UTP14A: variants seen among roughly 807,000 people sequenced by gnomAD.
UTP14A encodes UTP14A small subunit processome component, also known as U3 small nucleolar RNA-associated protein 14 homolog A.
UTP14A carries 5 observed loss-of-function variants against 57.2 expected under a neutral mutation model. The observed-to-expected ratio is 0.09, with a 90% CI of 0.05 to 0.18. The LOEUF (loss-of-function observed/expected upper bound fraction) is 0.18, where lower values mean the gene tolerates loss of function less well. Among genes scored for constraint, UTP14A ranks in the 10% least tolerant of loss-of-function variants. UTP14A has a pLI of 1.00. For synonymous variants in UTP14A, 169 were observed against 210.9 expected (o/e 0.80, Z 1.72); for missense variants, 430 against 562.1 (o/e 0.76, Z 2.38).
At chrX:129,912,595 A>G (rs774056647) in intron 6 of UTP14A, among the ~76,000 whole-genome samples, 5 of 111,611 alleles carry the variant, frequency 4.5e-5, no homozygotes, top group Non-Finnish European at 9.4e-5. Flanking sequence ...CAGGAACTCG[A>G]TAACATTAAT....
chrX:129,917,342 G>A (rs1195553013), intron 6 of UTP14A, among the ~76,000 whole-genome samples: 1 of 111,995 alleles, frequency 8.9e-6, no homozygotes, highest in Non-Finnish European at 1.9e-5. Flanking sequence ...GTGATGATGT[G>A]CGTTTATGCA....
At chrX:129,906,344 G>A in intron 1 of UTP14A, 108 bp downstream of exon 1, 1 of 777,322 alleles carries the variant, frequency 1.3e-6, no homozygotes, top group Non-Finnish European at 1.9e-6. Flanking sequence ...TGGTTCCCCT[G>A]AAGAGCTGGC....
Position 129,916,453 on chromosome X carries a change from T to C in UTP14A, c.538-2722T>C, listed in dbSNP as rs1020065939. Among the ~76,000 whole-genome samples the C allele has an allele frequency of 2.7e-5, 3 of 111,354 alleles. No homozygotes were observed. In the South Asian group the frequency reaches 1.1e-3, roughly 41 times the overall value. ...TTAACAGCATAACTCCCTACCCCAG[T>C]CACTTAGGTTGGAAACCTCAGTCAT... On this transcript the variant is annotated intron_variant, in intron 6 of 14. Transcript: ENST00000394422.
In UTP14A at chrX:129,924,947, T is replaced by C; in HGVS notation, c.1501T>C (p.Leu501=). 8.3e-7 allele frequency: 1 copy of C among 1,211,460 alleles called. No homozygotes were observed. Among genetic ancestry groups the C allele is most frequent in the Non-Finnish European group, 1.1e-6 (1 of 895,492 alleles). The change falls in exon 12 of 15, where the codon TTG becomes CTG. Residue 501 remains leucine (L), a synonymous_variant. Coordinates refer to ENST00000394422, the MANE Select transcript of UTP14A (RefSeq NM_006649.4). ...TGCCCCAGAAGAAGAGGAGCCCCTGTTGCTACAGAGACCAGAGAGAGTACA... is the reference window on the plus strand; with the variant it reads ...TGCCCCAGAAGAAGAGGAGCCCCTGCTGCTACAGAGACCAGAGAGAGTACA... ...EPAPEEEEPL[L]LQRPERVQTL...
At chrX:129,912,499 C>T (rs749826233) in intron 6 of UTP14A, among the ~76,000 whole-genome samples, 26 of 109,875 alleles carry the variant, frequency 2.4e-4, no homozygotes, top group Middle Eastern at 4.6e-3. Context: ...TGTGATTGCC[C>T]GTATAGCAGG....
chrX:129,925,180 C>T lies in UTP14A; in HGVS notation c.1734C>T (p.Pro578=). Residue 578 remains proline, a synonymous_variant, in exon 12 of 15, where the codon CCC becomes CCT. Coordinates refer to ENST00000394422, the MANE Select transcript of UTP14A (RefSeq NM_006649.4). Reference sequence around the variant, plus strand: ...CCTCCGTGAAGTCTTTGGCAGTTCCCACAATAGAGGAGCTGGTGAGCAGAG... The same window carrying T: ...CCTCCGTGAAGTCTTTGGCAGTTCCTACAATAGAGGAGCTGGTGAGCAGAG... ...QSPSVKSLAV[P]TIEELEDEEE... is the part of the protein sequence containing the mutation. 1 of 1,208,827 alleles carries T rather than the reference C, an allele frequency of 8.3e-7. No homozygotes were observed. Among genetic ancestry groups the T allele is most frequent in the East Asian group, 3.0e-5 (1 of 33,818 alleles).
intron 6 of UTP14A, among the ~76,000 whole-genome samples, chrX:129,915,005 A>C (rs1364224500): frequency 9.0e-6 from 1 of 111,160 alleles, no homozygotes; most frequent in Non-Finnish European, 1.9e-5. Context: ...TGAGGTTAGG[A>C]GTTTGAGACC....
chrX:129,920,954 G>T (rs1369101873), intron 10 of UTP14A: 2 of 752,612 alleles, frequency 2.7e-6, no homozygotes, highest in African/African-American at 4.6e-5. Flanking sequence ...CAAGTCCAAA[G>T]GGGGAGAGGA....
chrX:129,911,216 T>C, intron 5 of UTP14A, 66 bp downstream of exon 5: 1 of 1,119,260 alleles, frequency 8.9e-7, no homozygotes. Context: ...AATAGGGTAA[T>C]AGAAAGAAGG....
At chrX:129,907,643 G>C (rs1447276060) in intron 2 of UTP14A, among the ~76,000 whole-genome samples, 1 of 112,421 alleles carries the variant, frequency 8.9e-6, no homozygotes, top group Non-Finnish European at 1.9e-5. Flanking sequence ...CCCTCAAGTT[G>C]CATAAGTATA....
intron 1 of UTP14A, among the ~76,000 whole-genome samples, chrX:129,906,586 G>C (rs1165760047): frequency 1.1e-4 from 12 of 110,580 alleles, no homozygotes; most frequent in South Asian, 3.9e-4. Flanking sequence ...TAAACTCCCC[G>C]AATCTTGGAA....
intron 4 of UTP14A, among the ~76,000 whole-genome samples, chrX:129,909,358 C>T (rs1266543173): frequency 1.8e-5 from 2 of 110,290 alleles, no homozygotes; most frequent in South Asian, 3.9e-4. Flanking sequence ...TACAGGTGCC[C>T]GCCACCGCGC....
At chrX:129,917,792 G>A (rs766767492) in intron 6 of UTP14A, among the ~76,000 whole-genome samples, 3 of 110,445 alleles carry the variant, frequency 2.7e-5, no homozygotes, top group East Asian at 2.9e-4. Context: ...TCAGCCTCCC[G>A]AAGTGCTGGG....
At chrX:129,919,682 A>C (rs890279506) in intron 8 of UTP14A, among the ~76,000 whole-genome samples, 193 bp downstream of exon 8, 1 of 112,237 alleles carries the variant, frequency 8.9e-6, no homozygotes, top group African/African-American at 3.2e-5. Context: ...CTATTCAGTT[A>C]CTTTCTCTGC....
rs746717820 is a variant in UTP14A, at chrX:129,924,749, C to T, written c.1349-46C>T. On this transcript the variant is annotated intron_variant, in intron 11 of 14. Coordinates refer to ENST00000394422, the MANE Select transcript of UTP14A (RefSeq NM_006649.4). ...CAACAAATGCTTACCGACCAGACAA[C>T]GTACAAACCTCATTTTCTGACAGTT... 15 of 1,168,355 alleles carry T rather than the reference C, an allele frequency of 1.3e-5. No homozygotes were observed. The Admixed American group carries it at 1.6e-4, about 12-fold the overall frequency.
At chrX:129,926,151 G>A (rs965645688) in intron 13 of UTP14A, 39 bp downstream of exon 13, 7 of 1,207,344 alleles carry the variant, frequency 5.8e-6, no homozygotes, top group Admixed American at 4.4e-5. Context: ...AGGGCACCGG[G>A]TTCTCCCCTC....
chrX:129,912,924 G>A (rs1929536392), intron 6 of UTP14A, among the ~76,000 whole-genome samples: 1 of 112,054 alleles, frequency 8.9e-6, no homozygotes, highest in Non-Finnish European at 1.9e-5. Flanking sequence ...AATGATGGTG[G>A]TAGTAAATGA....
At chrX:129,924,093 A>T (rs1347591378) in intron 11 of UTP14A, among the ~76,000 whole-genome samples, 2 of 107,695 alleles carry the variant, frequency 1.9e-5, no homozygotes, top group Non-Finnish European at 3.8e-5. Flanking sequence ...AGTAGGTGGG[A>T]CTACAGATCC....
At chrX:129,921,854 A>G (rs1354324022) in intron 11 of UTP14A, 3 of 322,952 alleles carry the variant, frequency 9.3e-6, no homozygotes, top group African/African-American at 5.3e-5. Flanking sequence ...TCAGAAACCC[A>G]TAATAACTAA....
Sources: gnomAD v4.1 joint callset for allele counts (sites outside exome capture counted in the v4.1 genomes callset) on GRCh38, gnomAD v4.1.1 for gene constraint, MANE v1.5 for transcripts, NCBI Gene and HGNC (gene_info 2026-07-23, HGNC 2026-07-21) for gene names.